RASSF8: variants seen among roughly 807,000 people sequenced by gnomAD.
The protein encoded by RASSF8 is ras association domain-containing protein 8.
In RASSF8, 22 loss-of-function variants were observed where a neutral mutation model predicts 48.5. The ratio of observed to expected loss-of-function variants is 0.45; its 90% CI spans 0.32 to 0.65. The LOEUF (loss-of-function observed/expected upper bound fraction) is 0.65, where lower values mean the gene tolerates loss of function less well. Among genes scored for constraint, RASSF8 ranks in the 30% least tolerant of loss-of-function variants. RASSF8 has a pLI of 0.03. For synonymous variants in RASSF8, 127 were observed against 171.5 expected, an observed-to-expected ratio of 0.74 and a Z score of 2.03; for missense variants, 418 against 489.2, an observed-to-expected ratio of 0.85 and a Z score of 1.37.
chr12:25,974,295 C>T (rs1149804), intron 1 of RASSF8, among the ~76,000 whole-genome samples: 21,150 of 151,990 alleles, frequency 0.14, 1,794 homozygotes, highest in East Asian at 0.27. Context: ...CCAGCCAATA[C>T]GCGAGAAGTG....
At chr12:26,036,219 C>T (rs892858814) in intron 2 of RASSF8, among the ~76,000 whole-genome samples, 23 of 151,864 alleles carry the variant, frequency 1.5e-4, no homozygotes, top group African/African-American at 3.6e-4. Context: ...ATGGCAGAGA[C>T]GCTCTGAATA....
At chr12:26,077,758 T>C (rs1015070022), downstream of RASSF8, among the ~76,000 whole-genome samples, 4 of 152,326 alleles carry the variant, frequency 2.6e-5, no homozygotes, top group South Asian at 8.3e-4. Flanking sequence ...GTTGGCTGGT[T>C]TTTTTGGAAC....
At chr12:25,963,747 G>A (rs1455260761) in intron 1 of RASSF8, among the ~76,000 whole-genome samples, 1 of 152,180 alleles carries the variant, frequency 6.6e-6, no homozygotes, top group African/African-American at 2.4e-5. Flanking sequence ...CTCTTGGGTT[G>A]GGAGAGCAAG....
rs1943960941 is a variant in RASSF8 at position 26,069,740 on chromosome 12, G to A, written c.*922G>A. 1 of 985,180 alleles carries A rather than the reference G, an allele frequency of 1.0e-6. No individual in the cohort carries two copies. Among genetic ancestry groups the A allele is most frequent in the Non-Finnish European group, 1.2e-6 (1 of 829,850 alleles). The allele number at this position is 985,180 out of a possible 1,614,324, so 61.0% of individuals were successfully genotyped here. A position where few individuals can be genotyped will look rare whatever the true frequency, so the allele number is the denominator to read the frequency against. On this transcript the variant is annotated 3_prime_UTR_variant, in exon 6 of 6. Transcript: ENST00000689635. ...CTTCAGGAACATTGCTTTAAGTGAT[G>A]TATTTTAAAATAACCCGCTTCATAT...
chr12:26,004,143 C>A (rs1942328750), intron 2 of RASSF8, among the ~76,000 whole-genome samples: 1 of 152,142 alleles, frequency 6.6e-6, no homozygotes, highest in Non-Finnish European at 1.5e-5. Context: ...TGCCACTGCA[C>A]TCAAGACTGG....
At position 26,068,946 on chromosome 12, in the gene RASSF8, T is replaced by A. The variant is rs1422647529; in HGVS notation, c.*128T>A. The A allele has an allele frequency of 6.9e-7, 1 of 1,440,270 alleles. No homozygotes were observed. The highest frequency in any genetic ancestry group is 2.5e-5 in the Admixed American group (1 of 40,592). The allele number at this position is 1,440,270 out of a possible 1,614,324, so 89.2% of individuals were successfully genotyped here. The stretch of plus-strand genomic sequence containing the variant: ...GCTGTATGTTTTTTCTCTCCTAAAT[T>A]GCATACCACTTGGAGCCATACCCTG... On this transcript the variant is annotated 3_prime_UTR_variant, in exon 6 of 6. Coordinates refer to ENST00000689635, the MANE Select transcript of RASSF8 (RefSeq NM_001394098.1).
intron 1 of RASSF8, among the ~76,000 whole-genome samples, chr12:25,965,930 A>G (rs1319701979): frequency 6.6e-6 from 1 of 152,156 alleles, no homozygotes; most frequent in East Asian, 1.9e-4. Flanking sequence ...TCATTTATCT[A>G]CCTATTGATG....
rs193052149 is a variant in RASSF8 at position 25,969,693 on chromosome 12, C to T, written c.-203+10545C>T. Among the ~76,000 whole-genome samples, 25 of 152,208 alleles carry T rather than the reference C, an allele frequency of 1.6e-4. No individual in the cohort carries two copies. In the East Asian group the frequency reaches 4.7e-3, roughly 28 times the overall value. ...CTTTTCTTTCCATCCTGGAACTTTCCAAGTTTTCTTTGCTGCCTTGTCTGC... is the reference window on the plus strand; with the variant it reads ...CTTTTCTTTCCATCCTGGAACTTTCTAAGTTTTCTTTGCTGCCTTGTCTGC... On this transcript the variant is annotated intron_variant, in intron 1 of 5. Coordinates refer to ENST00000689635, the MANE Select transcript of RASSF8 (RefSeq NM_001394098.1).
chr12:26,017,137 T>A (rs929742614), intron 2 of RASSF8, among the ~76,000 whole-genome samples: 3 of 152,132 alleles, frequency 2.0e-5, no homozygotes, highest in Non-Finnish European at 4.4e-5. Flanking sequence ...TTTAAAAAAA[T>A]TTTTGGTTGC....
chr12:26,071,786 TGATA>T lies in RASSF8; in HGVS notation c.*2971_*2974del. The T allele has an allele frequency of 1.0e-6, 1 of 979,556 alleles. No homozygotes were observed. The highest frequency in any genetic ancestry group is 1.2e-6 in the Non-Finnish European group (1 of 826,550). The allele number at this position is 979,556 out of a possible 1,614,324, so 60.7% of individuals were successfully genotyped here. Reference sequence around the variant, plus strand: ...TCATAAACAAGAGCTACAGCAAGACTGATAGAGTAAAAACTATATAAATACAGTA... The same window carrying T: ...TCATAAACAAGAGCTACAGCAAGACTGAGTAAAAACTATATAAATACAGTA... On this transcript the variant is annotated 3_prime_UTR_variant, in exon 6 of 6. Coordinates refer to ENST00000689635, the MANE Select transcript of RASSF8 (RefSeq NM_001394098.1).
chr12:26,034,775 A>G lies in RASSF8; in HGVS notation c.-108-20461A>G, dbSNP rs561284785. Among the ~76,000 whole-genome samples, 66 of 152,246 alleles carry G rather than the reference A, an allele frequency of 4.3e-4. No homozygotes were observed. In the Middle Eastern group the frequency reaches 0.027, roughly 63 times the overall value. On this transcript the variant is annotated intron_variant, in intron 2 of 5. Transcript: ENST00000689635. ...TGGGATAAGATCCAAACACAGCAAA[A>G]TTATTTATTACATCTTTTCCATGTA...
chr12:26,070,779 ATTTTCT>A lies in RASSF8; in HGVS notation c.*1964_*1969del, dbSNP rs1943982902. 1 of 982,234 alleles carries A rather than the reference ATTTTCT, an allele frequency of 1.0e-6. No homozygotes were observed. The highest frequency in any genetic ancestry group is 6.2e-5 in the Admixed American group (1 of 16,250). The allele number at this position is 982,234 out of a possible 1,614,324, so 60.8% of individuals were successfully genotyped here. A position where few individuals can be genotyped will look rare whatever the true frequency, so the allele number is the denominator to read the frequency against. On this transcript the variant is annotated 3_prime_UTR_variant, in exon 6 of 6. Transcript: ENST00000689635. ...GAAAAACATTTTATAAATTGATCGC[ATTTTCT>A]TTAAGTCAAAATGTTAAACTGGAGG...
Position 26,065,179 on chromosome 12 carries a change from T to G in RASSF8, c.785T>G (p.Leu262Trp). ...TGTGAAAACAAATTAAAGGACTATT[T>G]GGCACAGATCCGGACTATGGAAAGT... ...TECENKLKDY[L>W]AQIRTMESGL... Residue 262 changes from leucine to tryptophan, a missense_variant, in exon 4 of 6, where the codon TTG becomes TGG. Leu to Trp is a moderately conservative substitution (Grantham distance 61). Transcript: ENST00000689635. 5 of 1,614,098 alleles carry G rather than the reference T, an allele frequency of 3.1e-6. No homozygotes were observed. The highest frequency in any genetic ancestry group is 4.2e-6 in the Non-Finnish European group (5 of 1,179,970).
At chr12:25,991,548 C>T (rs763551839) in intron 1 of RASSF8, among the ~76,000 whole-genome samples, 1 of 152,076 alleles carries the variant, frequency 6.6e-6, no homozygotes, top group Non-Finnish European at 1.5e-5. Context: ...ACGTAGTCTA[C>T]ATGAAGGTTT....
chr12:26,007,231 C>A (rs893482260), intron 2 of RASSF8, among the ~76,000 whole-genome samples: 2 of 152,160 alleles, frequency 1.3e-5, no homozygotes, highest in African/African-American at 4.8e-5. Flanking sequence ...ACACCTCCCA[C>A]TAGGCCCCAC....
Position 26,079,065 on chromosome 12 carries a change from A to T in RASSF8, c.1171A>T (p.Lys391Ter). The T allele has an allele frequency of 6.5e-7, 1 of 1,545,998 alleles. No homozygotes were observed. The highest frequency in any genetic ancestry group is 8.7e-7 in the Non-Finnish European group (1 of 1,144,530). ...CATTCTTTCTGATAAGCAGGAGTGT[A>T]AAGATTAGATATCACACCAAAAGCT... Residue 391 changes from lysine (K) to a stop codon, truncating the protein, a stop_gained, in exon 6 of 6, where the codon AAA becomes TAA. Coordinates refer to the RASSF8 transcript ENST00000381352. LOFTEE classifies it high-confidence loss of function.
At chr12:25,988,340 T>C (rs1478300177) in intron 1 of RASSF8, among the ~76,000 whole-genome samples, 1 of 152,174 alleles carries the variant, frequency 6.6e-6, no homozygotes, top group Non-Finnish European at 1.5e-5. Flanking sequence ...AAAGCAATCT[T>C]GGAACTTTTC....
chr12:26,048,208 G>A (rs1943413780), intron 2 of RASSF8, among the ~76,000 whole-genome samples: 2 of 152,186 alleles, frequency 1.3e-5, no homozygotes, highest in Non-Finnish European at 2.9e-5. Context: ...TGATCCATTT[G>A]GTTTCCGGGA....
chr12:26,048,515 G>GATTGGGCCCATCAGGAATTGTCTTGTAA (rs1364333594), intron 2 of RASSF8, among the ~76,000 whole-genome samples: 1 of 152,196 alleles, frequency 6.6e-6, no homozygotes, highest in East Asian at 1.9e-4. Flanking sequence ...GTACTGGAGA[G>GATTGGGCCCATCAGGAATTGTCTTGTAA]ATTGGGCCCA....
Sources: allele counts gnomAD v4.1 joint callset (sites outside exome capture counted in the v4.1 genomes callset), GRCh38; gene constraint gnomAD v4.1.1; transcripts MANE v1.5; gene names NCBI Gene and HGNC (gene_info 2026-07-23, HGNC 2026-07-21).